The following ANO3 variants were observed in gnomAD, a reference collection of about 807,000 sequenced individuals.
ANO3 encodes the protein anoctamin-3.
Under a neutral mutation model 144.8 loss-of-function variants are expected in ANO3, and 99 were observed. That is an observed-to-expected ratio of 0.68 (90% CI 0.58 to 0.81). The LOEUF (loss-of-function observed/expected upper bound fraction) is 0.81, where lower values mean the gene tolerates loss of function less well. Ranked by LOEUF, ANO3 falls within the 30% of genes least tolerant of loss-of-function variation. ANO3 has a pLI of 0.00. For synonymous variants in ANO3, 414 were observed against 392.6 expected (o/e 1.05, Z -0.64); for missense variants, 905 against 1,202.2 (o/e 0.75, Z 3.66).
chr11:26,559,963 C>T, intron 14 of ANO3, 184 bp downstream of exon 14: 4 of 471,944 alleles, frequency 8.5e-6, no homozygotes, highest in Non-Finnish European at 1.5e-5. Context: ...AGGAATTTAA[C>T]TCTTGATCTC....
intron 8 of ANO3, among the ~76,000 whole-genome samples, chr11:26,533,696 A>G (rs1849431118): frequency 1.3e-5 from 2 of 152,170 alleles, no homozygotes; most frequent in Non-Finnish European, 2.9e-5. Flanking sequence ...ACCCAGAACA[A>G]AAAGCTGGAG....
chr11:26,351,922 G>C (rs967520299), intron 1 of ANO3, among the ~76,000 whole-genome samples: 10 of 152,102 alleles, frequency 6.6e-5, no homozygotes, highest in African/African-American at 2.4e-4. Context: ...GCTGACAAAG[G>C]GACTGTTTGG....
chr11:26,228,713 C>G (rs1325635898), intron 1 of ANO3, among the ~76,000 whole-genome samples: 7 of 152,128 alleles, frequency 4.6e-5, no homozygotes, highest in Non-Finnish European at 8.8e-5. Flanking sequence ...GGCCTTTATA[C>G]CCATCCTTAT....
chr11:26,525,385 A>C (rs1381242174), intron 6 of ANO3, among the ~76,000 whole-genome samples: 2 of 139,808 alleles, frequency 1.4e-5, no homozygotes, highest in East Asian at 2.1e-4. Context: ...ATTAAAAATA[A>C]TTCTATTTTT....
intron 4 of ANO3, among the ~76,000 whole-genome samples, chr11:26,485,762 C>A (rs1307984648): frequency 1.3e-5 from 2 of 151,922 alleles, no homozygotes; most frequent in South Asian, 2.1e-4. Context: ...AGAAAAAAAC[C>A]TAGGGAAAAA....
intron 1 of ANO3, among the ~76,000 whole-genome samples, chr11:26,410,534 GA>G (rs1857402174): frequency 6.6e-6 from 1 of 152,018 alleles, no homozygotes; most frequent in Non-Finnish European, 1.5e-5. Flanking sequence ...ATTGAAGGGA[GA>G]TGATGTGGCT....
chr11:26,479,011 C>T (rs1310160185), intron 4 of ANO3, among the ~76,000 whole-genome samples: 1 of 152,054 alleles, frequency 6.6e-6, no homozygotes, highest in Non-Finnish European at 1.5e-5. Context: ...AAAAGTTTTT[C>T]AAGAGTAAGA....
upstream of ANO3, among the ~76,000 whole-genome samples, chr11:26,327,573 G>GA: frequency 6.6e-6 from 1 of 152,290 alleles, no homozygotes. Flanking sequence ...AAAAGAGTTT[G>GA]TAAAAGGGTC....
intron 1 of ANO3, among the ~76,000 whole-genome samples, chr11:26,322,634 C>A (rs897139344): frequency 6.6e-6 from 1 of 152,004 alleles, no homozygotes; most frequent in Non-Finnish European, 1.5e-5. Flanking sequence ...TGGGGAGGTA[C>A]ACAGAAAGAA....
chr11:26,278,414 A>G (rs1853604984), intron 1 of ANO3, among the ~76,000 whole-genome samples: 2 of 152,202 alleles, frequency 1.3e-5, no homozygotes, highest in South Asian at 4.1e-4. Flanking sequence ...TGAGAATACA[A>G]AGTAATGACT....
intron 1 of ANO3, among the ~76,000 whole-genome samples, chr11:26,319,626 A>T (rs1035446562): frequency 2.0e-5 from 3 of 152,184 alleles, no homozygotes; most frequent in Non-Finnish European, 4.4e-5. Flanking sequence ...GTGCCAAATC[A>T]ATGTATGATA....
chr11:26,454,857 T>C (rs1188790370), intron 3 of ANO3, among the ~76,000 whole-genome samples: 2 of 151,236 alleles, frequency 1.3e-5, no homozygotes, highest in Non-Finnish European at 2.9e-5. Context: ...CAGCAGCACA[T>C]CAAAAAGCTT....
At chr11:26,472,704 C>G (rs1399257425) in intron 4 of ANO3, among the ~76,000 whole-genome samples, 1 of 151,922 alleles carries the variant, frequency 6.6e-6, no homozygotes, top group East Asian at 1.9e-4. Context: ...AATTGAGGCT[C>G]CTGTGCTTAG....
chr11:26,624,461 G>A lies in ANO3; in HGVS notation c.1837-1G>A, dbSNP rs1852517243. The A allele has an allele frequency of 1.2e-6, 2 of 1,602,692 alleles. No individual in the cohort carries two copies. The highest frequency in any genetic ancestry group is 3.3e-5 in the Admixed American group (2 of 59,744). Reference sequence around the variant, plus strand: ...TCACTATGTATTCTCTTTTATTACAGGCTTATGAAAAAATTGCTTACCTCC... The same window carrying A: ...TCACTATGTATTCTCTTTTATTACAAGCTTATGAAAAAATTGCTTACCTCC... On this transcript the variant is annotated splice_acceptor_variant, in intron 17 of 26. Coordinates refer to ENST00000256737, the MANE Select transcript of ANO3 (RefSeq NM_031418.4). LOFTEE classifies it high-confidence loss of function.
chr11:26,371,392 G>C (rs1209878802), intron 1 of ANO3, among the ~76,000 whole-genome samples: 3 of 152,240 alleles, frequency 2.0e-5, no homozygotes, highest in Non-Finnish European at 4.4e-5. Context: ...TGCAAGGATG[G>C]AGCCTTCATG....
At chr11:26,343,323 T>A (rs974052496) in intron 1 of ANO3, among the ~76,000 whole-genome samples, 18 of 152,234 alleles carry the variant, frequency 1.2e-4, no homozygotes, top group African/African-American at 4.3e-4. Flanking sequence ...TGATTCCATA[T>A]CTTGGCTATT....
At chr11:26,559,496 G>A (rs1850196791) in intron 13 of ANO3, 1 of 494,014 alleles carries the variant, frequency 2.0e-6, no homozygotes, top group African/African-American at 1.9e-5. Context: ...GGAATCAAGA[G>A]AGGAGAGAAG....
rs374074789 is a variant in ANO3, at chr11:26,599,592, C to T, written c.1714C>T (p.Arg572Cys). ...TGCAGTGTTTGGAGTTGTGGTGTACCGCCTGGTTGTCATGGAACAGTTTGC... is the reference window on the plus strand; with the variant it reads ...TGCAGTGTTTGGAGTTGTGGTGTACTGCCTGGTTGTCATGGAACAGTTTGC... ...ITAVFGVVVY[R>C]LVVMEQFASF... Residue 572 changes from arginine (R) to cysteine (C), a missense_variant, in exon 17 of 27, where the codon CGC (arginine) becomes TGC (cysteine). Coordinates refer to ENST00000256737, the MANE Select transcript of ANO3 (RefSeq NM_031418.4). 7.4e-6 allele frequency: 12 copies of T among 1,613,924 alleles called. 1 individual carries two copies. Among genetic ancestry groups the T allele is most frequent in the South Asian group, 5.5e-5 (5 of 91,058 alleles).
chr11:26,338,526 C>G (rs943118938), intron 1 of ANO3, among the ~76,000 whole-genome samples: 3 of 152,176 alleles, frequency 2.0e-5, no homozygotes, highest in African/African-American at 7.2e-5. Flanking sequence ...CCCCAGCCAG[C>G]AGCAGCAACC....
Sources: allele counts gnomAD v4.1 joint callset (sites outside exome capture counted in the v4.1 genomes callset), GRCh38; gene constraint gnomAD v4.1.1; transcripts MANE v1.5; gene names NCBI Gene and HGNC (gene_info 2026-07-23, HGNC 2026-07-21).